SPTBN5: variants seen among roughly 807,000 people sequenced by gnomAD.
The protein encoded by SPTBN5 is spectrin beta, non-erythrocytic 5.
A neutral mutation model predicts 477.6 loss-of-function variants in SPTBN5; 513 were observed. That is an observed-to-expected ratio of 1.07 (90% confidence interval 1.00 to 1.16). The LOEUF (loss-of-function observed/expected upper bound fraction) is 1.16, where lower values mean the gene tolerates loss of function less well. SPTBN5 is among the 50% of genes most tolerant of loss of function. The probability of loss-of-function intolerance (pLI) is 0.00; values close to 1 mark genes in which losing one functional copy is unlikely to be tolerated. For missense variants in SPTBN5, 5,062 were observed against 4,731.8 expected (o/e 1.07, Z -2.05); for synonymous variants, 2,169 against 2,011.7 (o/e 1.08, Z -2.09).
rs373124886 is a variant in SPTBN5, at chr15:41,852,769, T to TCG, written c.10348-35_10348-34insCG. On this transcript the variant is annotated intron_variant, in intron 60 of 67. Coordinates refer to ENST00000320955, the MANE Select transcript of SPTBN5 (RefSeq NM_016642.4). ...AAGCATGTTCAGGTGACGCCCAGCT[T>TCG]GGGGGGGGGGGCCCAGAGCCTGGTA... The TCG allele has an allele frequency of 1.1e-4, 135 of 1,275,874 alleles. No individual in the cohort carries two copies. The African/African-American group carries it at 1.6e-3, about 16-fold the overall frequency. 79.0% of individuals were successfully genotyped at this position (1,275,874 alleles called of 1,614,324 possible).
chr15:41,883,910 C>T (rs1024691409), intron 7 of SPTBN5, among the ~76,000 whole-genome samples: 8 of 152,234 alleles, frequency 5.3e-5, no homozygotes, highest in African/African-American at 1.4e-4. Context: ...CCTGCCTCAG[C>T]CACCTGAGTA....
In SPTBN5 at chr15:41,858,961, G is replaced by A. The variant is rs1753782325; in HGVS notation, c.8008C>T (p.Gln2670Ter). 1.3e-6 allele frequency: 2 copies of A among 1,573,970 alleles called. No individual in the cohort carries two copies. The highest frequency in any genetic ancestry group is 1.8e-5 in the Admixed American group (1 of 55,942). Reference protein sequence around the residue: ...MLLRKEALFRQAGTRRHRLEE... With the variant: ...MLLRKEALFR ...AGGCGATGGCGGCGGGTCCCGGCTT[G>A]CCTGAAGAGCGCCTCCTTCCTGCCA... The change falls in exon 48 of 68, where the codon CAA becomes TAA. Residue 2670 changes from glutamine to a stop codon, truncating the protein, a stop_gained. Transcript: ENST00000320955. LOFTEE classifies it high-confidence loss of function.
rs778354944 is a variant in SPTBN5, at chr15:41,892,895, T to G, written c.383A>C (p.Lys128Thr). The change falls in exon 3 of 68, where the codon AAG becomes ACG. Residue 128 changes from lysine (K) to threonine (T), a missense_variant and splice_region_variant. Transcript: ENST00000320955. ...SSRALAFLRA[K>T]VPVPLIGPEN... ...CAGACCCCTTTCCCTGGGGCCCACCTTGGCCCTGAGGAAGGCCAGAGCTCG... is the reference window on the plus strand; with the variant it reads ...CAGACCCCTTTCCCTGGGGCCCACCGTGGCCCTGAGGAAGGCCAGAGCTCG... The G allele has an allele frequency of 5.0e-6, 8 of 1,599,024 alleles. No homozygotes were observed. The South Asian group carries it at 8.8e-5, about 18-fold the overall frequency.
chr15:41,862,198 C>G lies in SPTBN5; in HGVS notation c.7480G>C (p.Asp2494His), dbSNP rs1164474335. The G allele has an allele frequency of 6.2e-7, 1 of 1,610,744 alleles. No individual in the cohort carries two copies. The highest frequency in any genetic ancestry group is 8.5e-7 in the Non-Finnish European group (1 of 1,178,722). Residue 2494 changes from aspartate (D) to histidine (H), a missense_variant, in exon 44 of 68, where the codon GAC (aspartate) becomes CAC (histidine). Transcript: ENST00000320955. Reference sequence around the variant, plus strand: ...GGGCTGCGAGGAGCGGGGCTCGTGTCCATCTGAGCCCGCAGCCTCTGGGCG... The same window carrying G: ...GGGCTGCGAGGAGCGGGGCTCGTGTGCATCTGAGCCCGCAGCCTCTGGGCG... ...VSAQRLRAQMDTSPAPRSPVE... is the reference protein window; with the variant it reads ...VSAQRLRAQMHTSPAPRSPVE...
rs760414496 is a variant in SPTBN5 at position 41,882,127 on chromosome 15, C to T, written c.2266G>A (p.Glu756Lys). Reference sequence around the variant, plus strand: ...CGCTCGCGCAGCCACGAAGCCGCCTCCGCCGCGTCCGCGAAGTACTGTGGG... The same window carrying T: ...CGCTCGCGCAGCCACGAAGCCGCCTTCGCCGCGTCCGCGAAGTACTGTGGG... ...LVLQYFADAA[E>K]AASWLRERRS... The change falls in exon 12 of 68, where the codon GAG (glutamate) becomes AAG (lysine). Residue 756 changes from glutamate to lysine, a missense_variant. Coordinates refer to ENST00000320955, the MANE Select transcript of SPTBN5 (RefSeq NM_016642.4). 24 of 1,572,474 alleles carry T rather than the reference C, an allele frequency of 1.5e-5. No individual in the cohort carries two copies. The African/African-American group carries it at 2.4e-4, about 15-fold the overall frequency.
intron 46 of SPTBN5, among the ~76,000 whole-genome samples, chr15:41,861,005 G>T (rs911167236): frequency 1.3e-5 from 2 of 152,250 alleles, no homozygotes; most frequent in African/African-American, 4.8e-5. Flanking sequence ...TTCATTTAAG[G>T]TGAAAGCTCC....
At position 41,879,781 on chromosome 15, in the gene SPTBN5, A is replaced by G. The variant is rs1426810524; in HGVS notation, c.2895T>C (p.Pro965=). 6.2e-7 allele frequency: 1 copy of G among 1,614,034 alleles called. No homozygotes were observed. The highest frequency in any genetic ancestry group is 8.5e-7 in the Non-Finnish European group (1 of 1,179,900). ...SSAEQLRQRY[P]GNSTQIQRQQ... is the part of the protein sequence containing the mutation. The stretch of plus-strand genomic sequence containing the variant: ...GTCGTTGGATTTGTGTGGAGTTCCC[A>G]GGATATCTCTGCCTCAGTTGCTCAG... Residue 965 remains proline (P), a synonymous_variant, in exon 15 of 68, where the codon CCT becomes CCC. Transcript: ENST00000320955.
intron 49 of SPTBN5, among the ~76,000 whole-genome samples, 194 bp downstream of exon 49, chr15:41,858,408 C>G (rs1306049565): frequency 6.6e-6 from 1 of 152,090 alleles, no homozygotes; most frequent in Non-Finnish European, 1.5e-5. Flanking sequence ...GGAGAGGGTG[C>G]CCCCCCTGCC....
chr15:41,877,260 C>T lies in SPTBN5; in HGVS notation c.3567G>A (p.Gln1189=), dbSNP rs2066772532. The change falls in exon 18 of 68, where the codon CAG becomes CAA. Residue 1189 remains glutamine (Q), a synonymous_variant. Coordinates refer to ENST00000320955, the MANE Select transcript of SPTBN5 (RefSeq NM_016642.4). ...VPNTLRVLGQ[Q]GQELKVLWEQ... Reference sequence around the variant, plus strand: ...CCCACAAAACCTTCAGCTCCTGGCCCTGCTGCCCCAGGACCCTCAGAGTGT... The same window carrying T: ...CCCACAAAACCTTCAGCTCCTGGCCTTGCTGCCCCAGGACCCTCAGAGTGT... 1 of 1,613,864 alleles carries T rather than the reference C, an allele frequency of 6.2e-7. No homozygotes were observed. Among genetic ancestry groups the T allele is most frequent in the Non-Finnish European group, 8.5e-7 (1 of 1,179,896 alleles).
chr15:41,858,843 C>G (rs751437974), intron 48 of SPTBN5, 47 bp downstream of exon 48: 33 of 1,544,208 alleles, frequency 2.1e-5, no homozygotes, highest in South Asian at 3.7e-5. Context: ...TTCCCTGGGT[C>G]GACTCCTTCC....
Position 41,861,836 on chromosome 15 carries a change from C to T in SPTBN5, c.7636G>A (p.Asp2546Asn), listed in dbSNP as rs537948359. 105 of 1,605,564 alleles carry T rather than the reference C, an allele frequency of 6.5e-5. No homozygotes were observed. In the Middle Eastern group the frequency reaches 9.3e-4, roughly 14 times the overall value. The change falls in exon 45 of 68, where the codon GAC becomes AAC. Residue 2546 changes from aspartate (D) to asparagine (N), a missense_variant. Coordinates refer to ENST00000320955, the MANE Select transcript of SPTBN5 (RefSeq NM_016642.4). ...AAGCCAGCCAGCACCTGGCGAATGT[C>T]GGAGCTGAAGGGGTGCCCCGCTGTG... is the stretch of plus-strand genomic sequence containing the variant. ...LLTAGHPFSS[D>N]IRQVLAGLEQ...
intron 23 of SPTBN5, among the ~76,000 whole-genome samples, 168 bp downstream of exon 23, chr15:41,874,674 G>A (rs1175569791): frequency 6.6e-6 from 1 of 152,246 alleles, no homozygotes; most frequent in East Asian, 1.9e-4. Context: ...ACTGCACTGT[G>A]GGGGTCCTGC....
At chr15:41,872,825 G>C (rs1313888459) in intron 26 of SPTBN5, among the ~76,000 whole-genome samples, 2 of 152,230 alleles carry the variant, frequency 1.3e-5, no homozygotes, top group East Asian at 1.9e-4. Context: ...GTATAGCCGG[G>C]AGATGGGTGC....
chr15:41,886,110 C>A lies in SPTBN5; in HGVS notation c.1145G>T (p.Arg382Leu). 6.2e-7 allele frequency: 1 copy of A among 1,609,300 alleles called. No homozygotes were observed. Among genetic ancestry groups the A allele is most frequent in the Non-Finnish European group, 8.5e-7 (1 of 1,177,528 alleles). The change falls in exon 7 of 68, where the codon CGC becomes CTC. Residue 382 changes from arginine to leucine, a missense_variant. Arg to Leu is a moderately radical substitution (Grantham distance 102, BLOSUM62 -2). Transcript: ENST00000320955. Reference sequence around the variant, plus strand: ...GCCCTCATGAGGCAGGAAGGGCCTGCGGTTCTGGGCTTGGAGTGCTGTCTG... The same window carrying A: ...GCCCTCATGAGGCAGGAAGGGCCTGAGGTTCTGGGCTTGGAGTGCTGTCTG... ...RLQTALQAQN[R>L]RPFLPHEGLG...
At chr15:41,876,323 T>C (rs2066726320) in intron 20 of SPTBN5, 39 bp from the exon 21 acceptor site, 1 of 1,506,578 alleles carries the variant, frequency 6.6e-7, no homozygotes, top group Admixed American at 2.0e-5. Context: ...CAGAGCACGG[T>C]GGGTGGGGGC....
At chr15:41,870,582 C>T (rs776086922) in intron 29 of SPTBN5, 22 bp from the exon 30 acceptor site, 1 of 1,590,952 alleles carries the variant, frequency 6.3e-7, no homozygotes, top group African/African-American at 1.3e-5. Context: ...GTGTGGAAGA[C>T]CAGCCGGGGA....
chr15:41,867,444 C>A lies in SPTBN5; in HGVS notation c.6312+94G>T, dbSNP rs1053912226. 2.1e-5 allele frequency: 26 copies of A among 1,211,282 alleles called. No homozygotes were observed. The South Asian group carries it at 3.1e-4, about 14-fold the overall frequency. 75.0% of individuals were successfully genotyped at this position (1,211,282 alleles called of 1,614,324 possible). A position where few individuals can be genotyped will look rare whatever the true frequency, so the allele number is the denominator to read the frequency against. On this transcript the variant is annotated intron_variant, in intron 35 of 67. Transcript: ENST00000320955. ...CAGCCTTGCAGGCTCATCAGCACTG[C>A]CTCCAGGAACACACCAAGCGCCCCG... is the stretch of plus-strand genomic sequence containing the variant.
intron 25 of SPTBN5, 111 bp downstream of exon 25, chr15:41,873,733 TC>T (rs2066619436): frequency 6.7e-7 from 1 of 1,503,326 alleles, no homozygotes; most frequent in Non-Finnish European, 9.1e-7. Context: ...ACCCATCAGC[TC>T]CCAGCCCAGA....
chr15:41,863,981 G>A lies in SPTBN5; in HGVS notation c.6962C>T (p.Ser2321Leu). Residue 2321 changes from serine (S) to leucine (L), a missense_variant, in exon 40 of 68, where the codon TCA becomes TTA. By Grantham distance (145) the Ser-to-Leu change is moderately radical (BLOSUM62 -2). Coordinates refer to ENST00000320955, the MANE Select transcript of SPTBN5 (RefSeq NM_016642.4). ...DACIRSISDL[S>L]LQLKNRDPEE... ...AGGGTCCCGGTTCTTGAGCTGCAGT[G>A]ACAAGTCACTGATGCTCCTGATGCA... is the stretch of plus-strand genomic sequence containing the variant. 1 of 1,613,796 alleles carries A rather than the reference G, an allele frequency of 6.2e-7. No homozygotes were observed. The highest frequency in any genetic ancestry group is 1.1e-5 in the South Asian group (1 of 91,072).
Sources: gnomAD v4.1 joint callset for allele counts (sites outside exome capture counted in the v4.1 genomes callset) on GRCh38, gnomAD v4.1.1 for gene constraint, MANE v1.5 for transcripts, NCBI Gene and HGNC (gene_info 2026-07-23, HGNC 2026-07-21) for gene names.